Variants in KIF16B observed in about 807,000 individuals in gnomAD.
The protein encoded by KIF16B is kinesin-like protein KIF16B.
Under a neutral mutation model 156.3 loss-of-function variants are expected in KIF16B, and 98 were observed. The observed-to-expected ratio is 0.63, with a 90% CI of 0.53 to 0.74. The LOEUF (loss-of-function observed/expected upper bound fraction) is 0.74, where lower values mean the gene tolerates loss of function less well. Among genes scored for constraint, KIF16B ranks in the 30% least tolerant of loss-of-function variants. The pLI is 0.00. For missense variants in KIF16B, 1,421 were observed against 1,606.5 expected (o/e 0.88, Z 1.97); for synonymous variants, 564 against 583.7 (o/e 0.97, Z 0.49).
At chr20:16,362,394 A>C (rs1161878180) in intron 22 of KIF16B, among the ~76,000 whole-genome samples, 2 of 152,240 alleles carry the variant, frequency 1.3e-5, no homozygotes. Flanking sequence ...AGATCCATGC[A>C]AGGAAATAAA....
intron 25 of KIF16B, among the ~76,000 whole-genome samples, chr20:16,309,962 G>T (rs1451481338): frequency 1.3e-5 from 2 of 152,182 alleles, no homozygotes; most frequent in Non-Finnish European, 2.9e-5. Context: ...ATGAATGTTT[G>T]TTGAGTTAAA....
intron 24 of KIF16B, among the ~76,000 whole-genome samples, chr20:16,328,438 T>G (rs768567018): frequency 5.3e-5 from 8 of 152,220 alleles, no homozygotes; most frequent in Non-Finnish European, 1.2e-4. Context: ...AGGCATCCCC[T>G]AGCACTTGTT....
At position 16,315,954 on chromosome 20, in the gene KIF16B, C is replaced by G. The variant is rs2063691556; in HGVS notation, c.3712-3536G>C. 2.0e-5 allele frequency among the ~76,000 whole-genome samples: 3 copies of G among 152,070 alleles called. No homozygotes were observed. In the South Asian group the frequency reaches 6.2e-4, roughly 32 times the overall value. ...AATGTAAAGTATAGGAAAAACATGC[C>G]CCCATTAATATAATGATATTTCCAT... On this transcript the variant is annotated intron_variant, in intron 24 of 25. Coordinates refer to ENST00000354981, the MANE Select transcript of KIF16B (RefSeq NM_024704.5).
chr20:16,405,451 T>A (rs908797058), intron 16 of KIF16B, among the ~76,000 whole-genome samples: 1 of 152,172 alleles, frequency 6.6e-6, no homozygotes, highest in Admixed American at 6.5e-5. Flanking sequence ...GAGGCTCCAC[T>A]GGCCGGAAAA....
intron 12 of KIF16B, among the ~76,000 whole-genome samples, chr20:16,434,641 T>A (rs971307112): frequency 6.6e-6 from 1 of 152,186 alleles, no homozygotes; most frequent in Non-Finnish European, 1.5e-5. Context: ...TCACAGAGTA[T>A]GTTAGGTGAA....
chr20:16,368,760 T>C, intron 22 of KIF16B: 6 of 985,856 alleles, frequency 6.1e-6, no homozygotes, highest in Non-Finnish European at 7.2e-6. Flanking sequence ...GGGAAATGCC[T>C]TCAGACAGAA....
intron 4 of KIF16B, among the ~76,000 whole-genome samples, chr20:16,514,097 G>A (rs567398287): frequency 5.6e-4 from 86 of 152,266 alleles, no homozygotes; most frequent in African/African-American, 1.9e-3. Context: ...TCAACTATAA[G>A]ATTGGAGAAA....
intron 25 of KIF16B, among the ~76,000 whole-genome samples, chr20:16,279,563 T>C (rs1295999938): frequency 6.6e-6 from 1 of 152,178 alleles, no homozygotes; most frequent in African/African-American, 2.4e-5. Flanking sequence ...ACCTTCCTTG[T>C]AGAACACAAT....
At chr20:16,438,632 G>C (rs1407774170) in intron 12 of KIF16B, among the ~76,000 whole-genome samples, 1 of 152,134 alleles carries the variant, frequency 6.6e-6, no homozygotes, top group East Asian at 1.9e-4. Flanking sequence ...CAGTCACCAA[G>C]ATTACTAGGA....
intron 9 of KIF16B, 51 bp downstream of exon 9, chr20:16,505,671 T>G: frequency 6.6e-7 from 1 of 1,522,580 alleles, no homozygotes; most frequent in Non-Finnish European, 9.0e-7. Flanking sequence ...ATATTTACAG[T>G]TAATTCACAG....
chr20:16,400,515 C>G (rs980689176), intron 17 of KIF16B, among the ~76,000 whole-genome samples: 1 of 152,186 alleles, frequency 6.6e-6, no homozygotes, highest in Non-Finnish European at 1.5e-5. Flanking sequence ...TGGGTACATA[C>G]TCACAAGAGT....
rs1254785467 is a variant in KIF16B at position 16,508,106 on chromosome 20, A to T, written c.557-6T>A. The stretch of plus-strand genomic sequence containing the variant: ...TACTAAATGTTTGGATAAATCTGAA[A>T]AAGAAAATGGAAGGGGTGAAGAAAT... On this transcript the variant is annotated splice_region_variant and splice_polypyrimidine_tract_variant and intron_variant, in intron 6 of 25. Transcript: ENST00000354981. 1 of 1,613,700 alleles carries T rather than the reference A, an allele frequency of 6.2e-7. No individual in the cohort carries two copies. Among genetic ancestry groups the T allele is most frequent in the Admixed American group, 1.7e-5 (1 of 59,944 alleles).
chr20:16,451,791 C>A (rs926406563), intron 12 of KIF16B, among the ~76,000 whole-genome samples: 1 of 151,916 alleles, frequency 6.6e-6, no homozygotes, highest in Non-Finnish European at 1.5e-5. Context: ...TTTATTCAGG[C>A]CTTGGTTTTA....
intron 12 of KIF16B, among the ~76,000 whole-genome samples, chr20:16,444,057 A>G (rs73898755): frequency 0.055 from 8,381 of 152,278 alleles, 759 homozygotes; most frequent in African/African-American, 0.19. Context: ...TAAACATCTA[A>G]CTTCTCACAA....
At chr20:16,507,044 GA>G (rs1437299645) in intron 7 of KIF16B, among the ~76,000 whole-genome samples, 1 of 150,944 alleles carries the variant, frequency 6.6e-6, no homozygotes. Flanking sequence ...AGACTGCAGT[GA>G]GCCGTGATCA....
intron 12 of KIF16B, among the ~76,000 whole-genome samples, chr20:16,481,700 T>C (rs1223621479): frequency 6.6e-6 from 1 of 152,188 alleles, no homozygotes; most frequent in Non-Finnish European, 1.5e-5. Flanking sequence ...TGACCATCTT[T>C]TGTGATGTCT....
At chr20:16,491,184 A>C (rs527984060) in intron 12 of KIF16B, among the ~76,000 whole-genome samples, 1 of 152,278 alleles carries the variant, frequency 6.6e-6, no homozygotes, top group African/African-American at 2.4e-5. Flanking sequence ...GGAGTAACAC[A>C]GGCAAAGACC....
chr20:16,447,889 T>C (rs1164227842), intron 12 of KIF16B, among the ~76,000 whole-genome samples: 1 of 152,200 alleles, frequency 6.6e-6, no homozygotes. Flanking sequence ...GAGGATCACT[T>C]GGGCCCAGAA....
At position 16,505,664 on chromosome 20, in the gene KIF16B, T is replaced by A. The variant is rs369544704; in HGVS notation, c.1000+58A>T. On this transcript the variant is annotated intron_variant, in intron 9 of 25. Coordinates refer to ENST00000354981, the MANE Select transcript of KIF16B (RefSeq NM_024704.5). Reference sequence around the variant, plus strand: ...TAATAAGACACTTTAAACTTAAATATTTACAGTTAATTCACAGAAAATATT... The same window carrying A: ...TAATAAGACACTTTAAACTTAAATAATTACAGTTAATTCACAGAAAATATT... 6.7e-6 allele frequency: 10 copies of A among 1,483,370 alleles called. 1 individual carries two copies. The highest frequency in any genetic ancestry group is 2.8e-5 in the African/African-American group (2 of 71,072). The allele number at this position is 1,483,370 out of a possible 1,614,324, so 91.9% of individuals were successfully genotyped here.
Sources: allele counts gnomAD v4.1 joint callset (sites outside exome capture counted in the v4.1 genomes callset), GRCh38; gene constraint gnomAD v4.1.1; transcripts MANE v1.5; gene names NCBI Gene and HGNC (gene_info 2026-07-23, HGNC 2026-07-21).